The following CFAP299 variants were observed in gnomAD, a reference collection of about 807,000 sequenced individuals.
CFAP299 encodes the protein cilia- and flagella-associated protein 299.
A neutral mutation model predicts 27.0 loss-of-function variants in CFAP299; 21 were observed. That is an observed-to-expected ratio of 0.78 (90% CI 0.55 to 1.12). CFAP299 has a LOEUF of 1.12. Ranked by LOEUF, CFAP299 falls within the 50% of genes most tolerant of loss-of-function variation. CFAP299 has a pLI of 0.00. For synonymous variants in CFAP299, 104 were observed against 98.1 expected (o/e 1.06, Z -0.36); for missense variants, 310 against 276.6 (o/e 1.12, Z -0.86).
intron 2 of CFAP299, among the ~76,000 whole-genome samples, chr4:80,567,731 T>TTTTATATATATATATATATATA (rs1190269196): frequency 6.7e-6 from 1 of 148,784 alleles, no homozygotes; most frequent in African/African-American, 2.5e-5. Context: ...TCTAATGTAT[T>TTTTATATATATATATATATATA]TATATATATA....
At chr4:80,453,400 T>C (rs1420801781) in intron 2 of CFAP299, among the ~76,000 whole-genome samples, 1 of 152,224 alleles carries the variant, frequency 6.6e-6, no homozygotes, top group Admixed American at 6.5e-5. Flanking sequence ...TTTTATTTCT[T>C]CTTAAATTTT....
At chr4:80,399,776 A>T (rs952671497) in intron 2 of CFAP299, among the ~76,000 whole-genome samples, 2 of 152,128 alleles carry the variant, frequency 1.3e-5, no homozygotes, top group African/African-American at 2.4e-5. Context: ...CCAACATGAC[A>T]TATGTATACA....
chr4:80,720,378 C>A (rs942879007), intron 3 of CFAP299, among the ~76,000 whole-genome samples: 1 of 152,044 alleles, frequency 6.6e-6, no homozygotes, highest in African/African-American at 2.4e-5. Flanking sequence ...TTTACCTCAG[C>A]AATGGAGAAA....
chr4:80,387,129 G>T (rs554120351), intron 2 of CFAP299: 1 of 1,424,592 alleles, frequency 7.0e-7, no homozygotes, highest in South Asian at 1.1e-5. Flanking sequence ...TTGTTGACAC[G>T]TTTGACACAC....
intron 3 of CFAP299, among the ~76,000 whole-genome samples, chr4:80,605,203 G>C (rs1403356443): frequency 6.6e-6 from 1 of 152,178 alleles, no homozygotes; most frequent in Non-Finnish European, 1.5e-5. Context: ...TTTAGAGAGT[G>C]AGAGGTAGAT....
chr4:80,658,087 C>T (rs1043600792), intron 3 of CFAP299, among the ~76,000 whole-genome samples: 11 of 152,068 alleles, frequency 7.2e-5, no homozygotes, highest in Admixed American at 4.6e-4. Context: ...ATTTTGTATC[C>T]TGAGACTTTG....
At chr4:80,950,794 A>G (rs1002635064) in intron 5 of CFAP299, among the ~76,000 whole-genome samples, 2 of 152,190 alleles carry the variant, frequency 1.3e-5, no homozygotes, top group African/African-American at 4.8e-5. Flanking sequence ...AGGCATTGGT[A>G]CTTTTCAAAA....
At chr4:80,551,834 G>C (rs1349628037) in intron 2 of CFAP299, among the ~76,000 whole-genome samples, 1 of 151,536 alleles carries the variant, frequency 6.6e-6, no homozygotes, top group African/African-American at 2.4e-5. Context: ...TGCAACCTCC[G>C]CCTCCCAGGT....
At chr4:80,389,148 A>G (rs1056062279) in intron 2 of CFAP299, among the ~76,000 whole-genome samples, 6 of 152,194 alleles carry the variant, frequency 3.9e-5, no homozygotes, top group African/African-American at 1.4e-4. Context: ...GATAAGCTCA[A>G]CTGGGTCATT....
At chr4:80,543,064 C>G (rs1260614122) in intron 2 of CFAP299, among the ~76,000 whole-genome samples, 2 of 152,288 alleles carry the variant, frequency 1.3e-5, no homozygotes, top group East Asian at 3.9e-4. Flanking sequence ...GTCCCAGCCA[C>G]CTAGGGTTAG....
chr4:80,686,079 C>T (rs1401210656), intron 3 of CFAP299, among the ~76,000 whole-genome samples: 2 of 151,902 alleles, frequency 1.3e-5, no homozygotes, highest in East Asian at 3.9e-4. Flanking sequence ...CACTGACCAA[C>T]CAAGTATAGC....
chr4:80,953,483 ACTAACTACTGCTAAAAT>A (rs1259107402), intron 5 of CFAP299, among the ~76,000 whole-genome samples: 2 of 152,210 alleles, frequency 1.3e-5, no homozygotes, highest in Non-Finnish European at 1.5e-5. Context: ...TATTTACTCA[ACTAACTACTGCTAAAAT>A]CAATGGCCTT....
intron 3 of CFAP299, among the ~76,000 whole-genome samples, chr4:80,671,297 T>A (rs1741467709): frequency 6.6e-6 from 1 of 152,198 alleles, no homozygotes; most frequent in Non-Finnish European, 1.5e-5. Flanking sequence ...ATCAAATGGT[T>A]GTAGATTCGT....
At chr4:80,711,718 T>TA (rs1722185302) in intron 3 of CFAP299, among the ~76,000 whole-genome samples, 4 of 152,106 alleles carry the variant, frequency 2.6e-5, no homozygotes, top group Admixed American at 2.0e-4. Context: ...TTATGCTATT[T>TA]AAAAAAAGTA....
chr4:80,732,647 A>C lies in CFAP299; in HGVS notation c.334-137346A>C, dbSNP rs548119038. Among the ~76,000 whole-genome samples, 8 of 152,202 alleles carry C rather than the reference A, an allele frequency of 5.3e-5. No homozygotes were observed. The South Asian group carries it at 1.7e-3, about 32-fold the overall frequency. On this transcript the variant is annotated intron_variant, in intron 3 of 5. Transcript: ENST00000358105. ...TCAAGATCAGTTATTTCTTCTAGGA[A>C]AGTCTTGCTTGACACTCTTTCCTGG...
chr4:80,494,878 G>A (rs1731355684), intron 2 of CFAP299, among the ~76,000 whole-genome samples: 1 of 152,188 alleles, frequency 6.6e-6, no homozygotes, highest in Non-Finnish European at 1.5e-5. Context: ...AGCCAAAAGA[G>A]AGGGCTACAG....
intron 2 of CFAP299, among the ~76,000 whole-genome samples, chr4:80,465,701 G>A (rs1212267923): frequency 6.6e-6 from 1 of 152,146 alleles, no homozygotes; most frequent in African/African-American, 2.4e-5. Context: ...GAAATAGAAT[G>A]ACATACAATA....
intron 3 of CFAP299, among the ~76,000 whole-genome samples, chr4:80,745,986 T>G (rs1263532254): frequency 7.2e-5 from 11 of 152,100 alleles, no homozygotes; most frequent in Non-Finnish European, 8.8e-5. Context: ...TTCATTTGTT[T>G]CCTGTGGTCT....
At chr4:80,820,595 A>G (rs1162878714) in intron 3 of CFAP299, among the ~76,000 whole-genome samples, 1 of 152,094 alleles carries the variant, frequency 6.6e-6, no homozygotes, top group Non-Finnish European at 1.5e-5. Context: ...TGGGTCATTA[A>G]GGCCTCAGAG....
Sources: gnomAD v4.1 joint callset for allele counts (sites outside exome capture counted in the v4.1 genomes callset) on GRCh38, gnomAD v4.1.1 for gene constraint, MANE v1.5 for transcripts, NCBI Gene and HGNC (gene_info 2026-07-23, HGNC 2026-07-21) for gene names.